Variants in SRFBP1 observed in about 807,000 individuals in gnomAD.
The protein encoded by SRFBP1 is serum response factor binding protein 1.
A neutral mutation model predicts 45.5 loss-of-function variants in SRFBP1; 47 were observed. That is an observed-to-expected ratio of 1.03 (90% CI 0.82 to 1.32). The LOEUF (loss-of-function observed/expected upper bound fraction) is 1.32. Among genes scored for constraint, SRFBP1 ranks in the 40% most tolerant of loss-of-function variants. The pLI, the probability that SRFBP1 is intolerant of heterozygous loss-of-function variation, is 0.00. For synonymous variants in SRFBP1, 203 were observed against 166.3 expected, an observed-to-expected ratio of 1.22 and a Z score of -1.70; for missense variants, 621 against 484.6, an observed-to-expected ratio of 1.28 and a Z score of -2.64.
At chr5:121,966,708 G>C (rs904011291) in intron 1 of SRFBP1, among the ~76,000 whole-genome samples, 6 of 152,184 alleles carry the variant, frequency 3.9e-5, no homozygotes, top group African/African-American at 1.4e-4. Context: ...CAATCTGATG[G>C]AGTGCTTTAA....
chr5:121,962,534 T>C (rs1454712032), intron 1 of SRFBP1, among the ~76,000 whole-genome samples: 2 of 152,240 alleles, frequency 1.3e-5, no homozygotes, highest in African/African-American at 4.8e-5. Context: ...GACTGTATGC[T>C]CAGTACTTCG....
At chr5:122,000,134 C>T (rs1463171192) in intron 4 of SRFBP1, among the ~76,000 whole-genome samples, 2 of 151,984 alleles carry the variant, frequency 1.3e-5, no homozygotes, top group Admixed American at 6.6e-5. Context: ...TCATAATATA[C>T]ACCTTTAATT....
intron 2 of SRFBP1, among the ~76,000 whole-genome samples, chr5:122,040,621 A>G (rs768501251): frequency 2.6e-5 from 4 of 152,134 alleles, no homozygotes; most frequent in Non-Finnish European, 4.4e-5. Flanking sequence ...ACACCAACAA[A>G]CAAGCAATTT....
intron 2 of SRFBP1, among the ~76,000 whole-genome samples, chr5:122,052,611 C>A (rs76455097): frequency 0.042 from 6,462 of 152,112 alleles, 159 homozygotes; most frequent in African/African-American, 0.054. Flanking sequence ...CAGTTTAGTT[C>A]TTTTTTATAA....
chr5:122,035,099 T>C (rs983910699), intron 2 of SRFBP1, among the ~76,000 whole-genome samples: 5 of 152,152 alleles, frequency 3.3e-5, no homozygotes, highest in Non-Finnish European at 7.4e-5. Context: ...CAGTGAGTCT[T>C]CACCTGTGTC....
chr5:122,054,334 G>A (rs75611463), intron 2 of SRFBP1, among the ~76,000 whole-genome samples: 1 of 152,180 alleles, frequency 6.6e-6, no homozygotes, highest in Non-Finnish European at 1.5e-5. Flanking sequence ...GTATTGGAGA[G>A]GTTTTCCTGG....
chr5:122,068,686 A>G lies in SRFBP1; in HGVS notation n.312-6629A>G, dbSNP rs530183922. Among the ~76,000 whole-genome samples the G allele has an allele frequency of 2.5e-4, 38 of 152,290 alleles. 1 individual carries two copies. In the South Asian group the frequency reaches 6.6e-3, roughly 27 times the overall value. On this transcript the variant is annotated intron_variant and non_coding_transcript_variant, in intron 2 of 2. Transcript: ENST00000504881. ...AGACAGACATTAAACAAAGAAATTC[A>G]TAAGTAATTAACTGAAAATAGTGTA...
chr5:122,033,715 TC>T (rs1753628199), intron 2 of SRFBP1, among the ~76,000 whole-genome samples: 1 of 151,698 alleles, frequency 6.6e-6, no homozygotes, highest in Non-Finnish European at 1.5e-5. Context: ...TGCCTCAGAC[TC>T]CCAGAGCGCT....
chr5:122,072,892 C>T (rs578165186), intron 2 of SRFBP1, among the ~76,000 whole-genome samples: 1 of 152,292 alleles, frequency 6.6e-6, no homozygotes, highest in African/African-American at 2.4e-5. Flanking sequence ...GGCAAATAAA[C>T]TCTAGGTCCC....
At chr5:122,078,007 C>A (rs750033944), downstream of SRFBP1, 12 of 1,441,086 alleles carry the variant, frequency 8.3e-6, no homozygotes, top group South Asian at 1.9e-4. Context: ...CCAGATTGAC[C>A]CCGCTCGAGG....
intron 3 of SRFBP1, among the ~76,000 whole-genome samples, chr5:121,977,927 A>G (rs936851682): frequency 6.6e-6 from 1 of 152,174 alleles, no homozygotes; most frequent in Non-Finnish European, 1.5e-5. Flanking sequence ...TTTCTATAAT[A>G]GTGTCCATAC....
chr5:121,968,698 G>T (rs976738571), intron 1 of SRFBP1, among the ~76,000 whole-genome samples: 1 of 152,036 alleles, frequency 6.6e-6, no homozygotes. Flanking sequence ...TAGGACTTTT[G>T]TTAAAGTACA....
intron 2 of SRFBP1, among the ~76,000 whole-genome samples, chr5:122,042,888 A>G (rs567114598): frequency 2.6e-5 from 4 of 152,198 alleles, no homozygotes; most frequent in African/African-American, 4.8e-5. Flanking sequence ...ATCTCATTCT[A>G]TAGGCCTACC....
In SRFBP1 at chr5:122,022,075, C is replaced by G. The variant is rs191149784; in HGVS notation, c.1068-295C>G. ...TAGAAATTCTTTATATAGATAATCC[C>G]GAAGTGTAAAGGCAAGGTAACCAAG... is the stretch of plus-strand genomic sequence containing the variant. On this transcript the variant is annotated intron_variant, in intron 6 of 7. Transcript: ENST00000339397. Among the ~76,000 whole-genome samples, 907 of 152,070 alleles carry G rather than the reference C, an allele frequency of 6.0e-3. 7 individuals carry two copies. The highest frequency in any genetic ancestry group is 0.014 in the Middle Eastern group (4 of 292).
intron 2 of SRFBP1, among the ~76,000 whole-genome samples, chr5:122,052,678 G>A (rs1754010053): frequency 6.6e-6 from 1 of 152,058 alleles, no homozygotes; most frequent in Non-Finnish European, 1.5e-5. Context: ...AGCTTCCTTG[G>A]ATTGAGTTTC....
At chr5:122,059,266 G>T (rs139357473) in intron 2 of SRFBP1, among the ~76,000 whole-genome samples, 3 of 152,270 alleles carry the variant, frequency 2.0e-5, no homozygotes, top group Non-Finnish European at 2.9e-5. Flanking sequence ...TCTCTGGTCA[G>T]TCTAGACCTT....
intron 3 of SRFBP1, among the ~76,000 whole-genome samples, chr5:121,978,041 T>G (rs1185653538): frequency 6.6e-6 from 1 of 152,178 alleles, no homozygotes; most frequent in Non-Finnish European, 1.5e-5. Context: ...AGTAAGTTAC[T>G]TAACTGGAGA....
chr5:121,974,752 A>G (rs1167116284), intron 2 of SRFBP1, among the ~76,000 whole-genome samples: 1 of 151,876 alleles, frequency 6.6e-6, no homozygotes, highest in East Asian at 1.9e-4. Context: ...TTTTTGGAAA[A>G]ATACAATATT....
At chr5:122,032,107 G>A (rs932448437), downstream of SRFBP1, among the ~76,000 whole-genome samples, 1 of 152,148 alleles carries the variant, frequency 6.6e-6, no homozygotes, top group Non-Finnish European at 1.5e-5. Context: ...TTAAAAGGGT[G>A]AATATTGTGT....
Sources: allele counts gnomAD v4.1 joint callset (sites outside exome capture counted in the v4.1 genomes callset), GRCh38; gene constraint gnomAD v4.1.1; transcripts MANE v1.5; gene names NCBI Gene and HGNC (gene_info 2026-07-23, HGNC 2026-07-21).